AREL1: variants seen among roughly 807,000 people sequenced by gnomAD.
AREL1 encodes apoptosis resistant E3 ubiquitin protein ligase 1.
A neutral mutation model predicts 99.0 loss-of-function variants in AREL1; 62 were observed. The ratio of observed to expected loss-of-function variants is 0.63; its 90% CI spans 0.51 to 0.77. The LOEUF is 0.77. Among genes scored for constraint, AREL1 ranks in the 30% least tolerant of loss-of-function variants. The pLI is 0.00. For missense variants in AREL1, 879 were observed against 1,027.6 expected (o/e 0.86, Z 1.98); for synonymous variants, 380 against 376.5 (o/e 1.01, Z -0.11).
intron 1 of AREL1, among the ~76,000 whole-genome samples, chr14:74,694,817 G>A (rs1212977655): frequency 6.6e-6 from 1 of 151,696 alleles, no homozygotes; most frequent in Non-Finnish European, 1.5e-5. Flanking sequence ...GTGAAATCCC[G>A]TCTCTACTAA....
chr14:74,682,932 A>G (rs1566689803), intron 5 of AREL1, among the ~76,000 whole-genome samples: 1 of 152,232 alleles, frequency 6.6e-6, no homozygotes, highest in Non-Finnish European at 1.5e-5. Flanking sequence ...TGAGCCAAAT[A>G]AACCTCTTTT....
In AREL1 at chr14:74,670,065, C is replaced by T. The variant is rs199831228; in HGVS notation, c.1670G>A (p.Arg557Gln). The change falls in exon 14 of 20, where the codon CGG (arginine) becomes CAG (glutamine). Residue 557 changes from arginine to glutamine, a missense_variant. Transcript: ENST00000356357. ...CTCATAGAGACACTTGCCCACGAGC[C>T]GTCCCGCAAACTCATACATTTTCAG... ...LRLKMYEFAG[R>Q]LVGKCLYESS... The T allele has an allele frequency of 9.4e-5, 151 of 1,613,836 alleles. 2 individuals carry two copies. The highest frequency in any genetic ancestry group is 1.0e-4 in the Admixed American group (6 of 59,980).
intron 5 of AREL1, chr14:74,678,310 A>C (rs979755801): frequency 1.4e-5 from 6 of 429,346 alleles, no homozygotes; most frequent in Admixed American, 8.5e-5. Flanking sequence ...CACCCTGGGC[A>C]ACATAGTGAG....
intron 4 of AREL1, 125 bp downstream of exon 4, chr14:74,684,329 T>C (rs1461341580): frequency 1.3e-6 from 1 of 784,078 alleles, no homozygotes; most frequent in Non-Finnish European, 2.0e-6. Context: ...TAGTAGCAAT[T>C]CACTAGTTCC....
chr14:74,706,848 C>T (rs2090187857), intron 1 of AREL1, among the ~76,000 whole-genome samples: 1 of 152,160 alleles, frequency 6.6e-6, no homozygotes, highest in Non-Finnish European at 1.5e-5. Flanking sequence ...TCAAGATCAG[C>T]TCTTAGCTTC....
intron 17 of AREL1, among the ~76,000 whole-genome samples, chr14:74,666,187 C>T (rs1222602914): frequency 6.6e-6 from 1 of 151,994 alleles, no homozygotes; most frequent in African/African-American, 2.4e-5. Flanking sequence ...GCAAGACCAC[C>T]TAAAATTACT....
Position 74,667,512 on chromosome 14 carries a change from T to C in AREL1, c.1997A>G (p.Tyr666Cys), listed in dbSNP as rs1467048237. The C allele has an allele frequency of 1.2e-6, 2 of 1,613,888 alleles. No homozygotes were observed. Among genetic ancestry groups the C allele is most frequent in the Non-Finnish European group, 1.7e-6 (2 of 1,179,888 alleles). The change falls in exon 16 of 20, where the codon TAT becomes TGT. Residue 666 changes from tyrosine to cysteine, a missense_variant. Coordinates refer to ENST00000356357, the MANE Select transcript of AREL1 (RefSeq NM_001039479.2). Reference sequence around the variant, plus strand: ...CTCTTTCACTTGACTGGCCAGCCGATATTGGGCCAGCAAATTTAAATAGAA... The same window carrying C: ...CTCTTTCACTTGACTGGCCAGCCGACATTGGGCCAGCAAATTTAAATAGAA... ...KIFYLNLLAQ[Y>C]RLASQVKEEV... is the part of the protein sequence containing the mutation.
chr14:74,686,100 G>T (rs1403243004), intron 2 of AREL1, among the ~76,000 whole-genome samples: 1 of 151,838 alleles, frequency 6.6e-6, no homozygotes, highest in African/African-American at 2.4e-5. Context: ...ATAAAATGTA[G>T]ATTTTTTTTT....
At chr14:74,677,837 A>G (rs2089528096) in intron 5 of AREL1, among the ~76,000 whole-genome samples, 1 of 151,964 alleles carries the variant, frequency 6.6e-6, no homozygotes, top group African/African-American at 2.4e-5. Context: ...AAAAAGAGGA[A>G]AAAACAGAAA....
intron 1 of AREL1, among the ~76,000 whole-genome samples, chr14:74,707,959 G>GAA (rs1186322099): frequency 6.9e-5 from 4 of 57,610 alleles, no homozygotes; most frequent in Admixed American, 2.0e-4. Context: ...CTTCGCCTCA[G>GAA]AAAAAAAAAA....
intron 11 of AREL1, 69 bp downstream of exon 11, chr14:74,672,762 A>G (rs1594758477): frequency 1.3e-6 from 2 of 1,598,308 alleles, no homozygotes; most frequent in East Asian, 2.2e-5. Context: ...CAAAAACAGT[A>G]ACCTGCAGAA....
intron 13 of AREL1, 52 bp from the exon 14 acceptor site, chr14:74,670,178 T>C (rs750319173): frequency 6.6e-7 from 1 of 1,515,950 alleles, no homozygotes; most frequent in South Asian, 1.3e-5. Context: ...TCAAGCCCAG[T>C]TCTGGAAGGA....
At chr14:74,707,229 G>A (rs1377493620) in intron 1 of AREL1, among the ~76,000 whole-genome samples, 7 of 151,690 alleles carry the variant, frequency 4.6e-5, no homozygotes, top group South Asian at 2.1e-4. Context: ...TTAGCCAGGC[G>A]TGGTGGCAGG....
chr14:74,678,695 C>CAAA (rs71119311), intron 5 of AREL1, among the ~76,000 whole-genome samples: 60 of 95,350 alleles, frequency 6.3e-4, no homozygotes, highest in East Asian at 1.2e-3. Context: ...CATGTATAAG[C>CAAA]AAAAAAAAAA....
chr14:74,672,484 C>T lies in AREL1; in HGVS notation c.1422+347G>A, dbSNP rs529177376. ...AGGCATGGTAGCTCATGCCTGTAATCCCAACACTTTGGGAGGCTGAGGCGG... is the reference window on the plus strand; with the variant it reads ...AGGCATGGTAGCTCATGCCTGTAATTCCAACACTTTGGGAGGCTGAGGCGG... On this transcript the variant is annotated intron_variant, in intron 11 of 19. Transcript: ENST00000356357. Among the ~76,000 whole-genome samples the T allele has an allele frequency of 1.2e-4, 19 of 152,284 alleles. No individual in the cohort carries two copies. In the South Asian group the frequency reaches 3.9e-3, roughly 32 times the overall value.
In AREL1 at chr14:74,676,177, T is replaced by G. The variant is rs760216411; in HGVS notation, c.796A>C (p.Ile266Leu). The G allele has an allele frequency of 5.0e-6, 8 of 1,614,038 alleles. No homozygotes were observed. The highest frequency in any genetic ancestry group is 6.8e-6 in the Non-Finnish European group (8 of 1,180,024). ...HACISYQNQP[I>L]NNGEFDIIVL... is the part of the protein sequence containing the mutation. ...ATAATGTCAAATTCACCATTATTGA[T>G]TGGCTGATTTTGGTATGAAATGCAA... is the stretch of plus-strand genomic sequence containing the variant. The change falls in exon 7 of 20, where the codon ATC (isoleucine) becomes CTC (leucine). Residue 266 changes from isoleucine (I) to leucine (L), a missense_variant. By Grantham distance (5) the Ile-to-Leu change is conservative. Coordinates refer to ENST00000356357, the MANE Select transcript of AREL1 (RefSeq NM_001039479.2).
chr14:74,673,952 T>A lies in AREL1; in HGVS notation c.1158+82A>T, dbSNP rs1353051323. 31 of 1,228,868 alleles carry A rather than the reference T, an allele frequency of 2.5e-5. No individual in the cohort carries two copies. In the Admixed American group the frequency reaches 6.3e-4, roughly 25 times the overall value. 76.1% of individuals were successfully genotyped at this position (1,228,868 alleles called of 1,614,324 possible). A position where few individuals can be genotyped will look rare whatever the true frequency, so the allele number is the denominator to read the frequency against. On this transcript the variant is annotated intron_variant, in intron 9 of 19. Transcript: ENST00000356357. The stretch of plus-strand genomic sequence containing the variant: ...TGAGATCTTGCAGAAACACTAAAAG[T>A]GCTTCTGAGAAAAAATAAAAGGCTG...
chr14:74,678,401 G>A (rs1411932705), intron 5 of AREL1: 1 of 291,638 alleles, frequency 3.4e-6, no homozygotes, highest in Non-Finnish European at 6.7e-6. Context: ...GGGAGGTTGA[G>A]GCAGGAGGAT....
At position 74,676,153 on chromosome 14, in the gene AREL1, T is replaced by C. The variant is rs1256492890; in HGVS notation, c.820A>G (p.Ile274Val). The change falls in exon 7 of 20, where the codon ATT (isoleucine) becomes GTT (valine). Residue 274 changes from isoleucine to valine, a missense_variant. By Grantham distance (29) the Ile-to-Val change is conservative. Coordinates refer to ENST00000356357, the MANE Select transcript of AREL1 (RefSeq NM_001039479.2). The stretch of plus-strand genomic sequence containing the variant: ...TCTTTTAACTTACCACTTAGGACAA[T>C]AATGTCAAATTCACCATTATTGATT... ...QPINNGEFDI[I>V]VLSEDEKNIV... is the part of the protein sequence containing the mutation. 2.5e-6 allele frequency: 4 copies of C among 1,613,432 alleles called. No homozygotes were observed. The highest frequency in any genetic ancestry group is 3.4e-6 in the Non-Finnish European group (4 of 1,179,964).
Sources: gnomAD v4.1 joint callset for allele counts (sites outside exome capture counted in the v4.1 genomes callset) on GRCh38, gnomAD v4.1.1 for gene constraint, MANE v1.5 for transcripts, NCBI Gene and HGNC (gene_info 2026-07-23, HGNC 2026-07-21) for gene names.